CCDC112: variants seen among roughly 807,000 people sequenced by gnomAD.
CCDC112 encodes the protein coiled-coil domain-containing protein 112.
In CCDC112, 40 loss-of-function variants were observed where a neutral mutation model predicts 66.3. That is an observed-to-expected ratio of 0.60 (90% CI 0.47 to 0.79). The LOEUF (loss-of-function observed/expected upper bound fraction) is 0.79, where lower values mean the gene tolerates loss of function less well. CCDC112 is among the 30% of genes least tolerant of loss of function. The pLI is 0.00. For missense variants in CCDC112, 659 were observed against 603.8 expected (o/e 1.09, Z -0.96); for synonymous variants, 214 against 197.2 (o/e 1.09, Z -0.71).
chr5:115,271,189 T>C, intron 7 of CCDC112, 24 bp downstream of exon 7: 1 of 1,552,848 alleles, frequency 6.4e-7, no homozygotes. Context: ...ATTTAAAAAT[T>C]ATTTAGGAAA....
chr5:115,271,707 A>G lies in CCDC112; in HGVS notation c.919-81T>C, dbSNP rs75062506. On this transcript the variant is annotated intron_variant, in intron 6 of 9. Transcript: ENST00000379611. ...AAGTATTTTAAAATACATCAATTCCATCTTTCTAGAAAGAATATTGATTGC... is the reference window on the plus strand; with the variant it reads ...AAGTATTTTAAAATACATCAATTCCGTCTTTCTAGAAAGAATATTGATTGC... The G allele has an allele frequency of 5.2e-3, 4,575 of 884,878 alleles. 113 individuals carry two copies. The African/African-American group carries it at 0.065, about 12-fold the overall frequency. 54.8% of individuals were successfully genotyped at this position (884,878 alleles called of 1,614,324 possible).
At chr5:115,269,893 A>G in intron 7 of CCDC112, 95 bp from the exon 8 acceptor site, 1 of 683,626 alleles carries the variant, frequency 1.5e-6, no homozygotes, top group Non-Finnish European at 2.4e-6. Flanking sequence ...TACCTTACCT[A>G]TCAATATTCC....
chr5:115,293,819 A>G (rs1315818600), intron 1 of CCDC112, among the ~76,000 whole-genome samples: 1 of 152,264 alleles, frequency 6.6e-6, no homozygotes, highest in Non-Finnish European at 1.5e-5. Flanking sequence ...GCCAAGGAAC[A>G]TAAAATTCAG....
intron 1 of CCDC112, chr5:115,296,221 C>A: frequency 7.8e-7 from 1 of 1,281,118 alleles, no homozygotes; most frequent in Non-Finnish European, 9.9e-7. Context: ...CCCAGGTCTT[C>A]CTCGACTCCG....
At chr5:115,294,208 G>T (rs1750050162) in intron 1 of CCDC112, among the ~76,000 whole-genome samples, 1 of 152,162 alleles carries the variant, frequency 6.6e-6, no homozygotes, top group Non-Finnish European at 1.5e-5. Flanking sequence ...TTACTCCAAA[G>T]TAATTTAAAG....
At chr5:115,278,244 TTTTTA>T (rs1430677588) in intron 3 of CCDC112, among the ~76,000 whole-genome samples, 1 of 152,168 alleles carries the variant, frequency 6.6e-6, no homozygotes, top group Non-Finnish European at 1.5e-5. Context: ...GCTGATAATC[TTTTTA>T]TTTTATTTAT....
At chr5:115,275,766 A>T (rs1227233380) in intron 5 of CCDC112, among the ~76,000 whole-genome samples, 160 bp from the exon 6 acceptor site, 1 of 152,194 alleles carries the variant, frequency 6.6e-6, no homozygotes, top group African/African-American at 2.4e-5. Context: ...AGAGATAAAA[A>T]CAATCTTTCA....
chr5:115,269,151 T>C (rs1748896802), intron 8 of CCDC112, 151 bp from the exon 9 acceptor site: 6 of 462,734 alleles, frequency 1.3e-5, no homozygotes, highest in Middle Eastern at 1.1e-3. Flanking sequence ...ATTGGGCTCA[T>C]ATAGCTAAAA....
intron 1 of CCDC112, among the ~76,000 whole-genome samples, chr5:115,290,610 A>C (rs958760302): frequency 2.6e-5 from 4 of 152,222 alleles, no homozygotes; most frequent in African/African-American, 9.6e-5. Context: ...AAGTCTTCAA[A>C]ATCATAAACA....
intron 6 of CCDC112, among the ~76,000 whole-genome samples, chr5:115,271,922 C>CT (rs34279929): frequency 0.019 from 2,545 of 131,912 alleles, 34 homozygotes; most frequent in African/African-American, 0.023. Context: ...TTTACTGCTT[C>CT]TTTTTTTTTT....
At position 115,279,713 on chromosome 5, in the gene CCDC112, A is replaced by G; in HGVS notation, c.295T>C (p.Phe99Leu). The G allele has an allele frequency of 6.2e-7, 1 of 1,602,060 alleles. No individual in the cohort carries two copies. Among genetic ancestry groups the G allele is most frequent in the Non-Finnish European group, 8.5e-7 (1 of 1,169,930 alleles). The stretch of plus-strand genomic sequence containing the variant: ...TCTAGCATACTATGCTCAATTCTGA[A>G]GTCACTTTTTTGGTTGTAGAAATGA... The part of the protein sequence containing the change: ...HSHFYNQKSD[F>L]RIEHSMLEEL... The change falls in exon 3 of 10, where the codon TTC becomes CTC. Residue 99 changes from phenylalanine to leucine, a missense_variant. Phe to Leu is a conservative substitution (Grantham distance 22). Coordinates refer to ENST00000379611, the MANE Select transcript of CCDC112 (RefSeq NM_001040440.3).
At chr5:115,271,170 A>C in intron 7 of CCDC112, 43 bp downstream of exon 7, 1 of 1,520,220 alleles carries the variant, frequency 6.6e-7, no homozygotes, top group Non-Finnish European at 8.8e-7. Flanking sequence ...TAATACCTCC[A>C]TGTGTAGCAT....
At chr5:115,277,832 A>G (rs1193690485) in intron 3 of CCDC112, among the ~76,000 whole-genome samples, 1 of 152,166 alleles carries the variant, frequency 6.6e-6, no homozygotes, top group East Asian at 1.9e-4. Flanking sequence ...TCGCATTCTT[A>G]TAATAGTAAT....
At chr5:115,278,584 A>G (rs184829253) in intron 3 of CCDC112, among the ~76,000 whole-genome samples, 28 of 152,274 alleles carry the variant, frequency 1.8e-4, no homozygotes, top group Non-Finnish European at 3.5e-4. Flanking sequence ...AATTTGCACA[A>G]AATTTTACTT....
At chr5:115,284,951 A>G (rs1232620885) in intron 1 of CCDC112, 43 bp from the exon 2 acceptor site, 2 of 1,566,714 alleles carry the variant, frequency 1.3e-6, no homozygotes, top group African/African-American at 1.4e-5. Flanking sequence ...TGAAAATAGT[A>G]AGACATAAAT....
chr5:115,268,140 T>C (rs1748826572), intron 9 of CCDC112, among the ~76,000 whole-genome samples: 1 of 152,196 alleles, frequency 6.6e-6, no homozygotes. Flanking sequence ...AATCTACTTA[T>C]TAATCTATCG....
At chr5:115,277,433 A>T (rs903796085) in intron 3 of CCDC112, among the ~76,000 whole-genome samples, 2 of 152,180 alleles carry the variant, frequency 1.3e-5, no homozygotes, top group African/African-American at 4.8e-5. Flanking sequence ...ATGGAAATAG[A>T]ATTTGGTCTT....
chr5:115,287,821 T>A (rs963513252), intron 1 of CCDC112, among the ~76,000 whole-genome samples: 1 of 149,664 alleles, frequency 6.7e-6, no homozygotes, highest in African/African-American at 2.5e-5. Context: ...TACAGGCACA[T>A]GCTACTGTGC....
At chr5:115,270,491 C>T (rs1418312041) in intron 7 of CCDC112, among the ~76,000 whole-genome samples, 5 of 152,142 alleles carry the variant, frequency 3.3e-5, no homozygotes, top group Non-Finnish European at 5.9e-5. Flanking sequence ...TTTAAAATCA[C>T]CTTTAATTTG....
Sources: gnomAD v4.1 joint callset for allele counts (sites outside exome capture counted in the v4.1 genomes callset) on GRCh38, gnomAD v4.1.1 for gene constraint, MANE v1.5 for transcripts, NCBI Gene and HGNC (gene_info 2026-07-23, HGNC 2026-07-21) for gene names.